The following STK3 variants were observed in gnomAD, a reference collection of about 807,000 sequenced individuals.
STK3 encodes the protein serine/threonine kinase 3, also known as serine/threonine-protein kinase 3.
In STK3, 41 loss-of-function variants were observed where a neutral mutation model predicts 58.0. The observed-to-expected ratio is 0.71, with a 90% CI of 0.55 to 0.92. STK3 has a LOEUF of 0.92. Among genes scored for constraint, STK3 ranks in the 40% least tolerant of loss-of-function variants. The pLI is 0.00. For missense variants in STK3, 479 were observed against 602.7 expected (o/e 0.79, Z 2.15); for synonymous variants, 170 against 191.0 (o/e 0.89, Z 0.91).
intron 8 of STK3, among the ~76,000 whole-genome samples, chr8:98,555,939 A>G (rs2131612336): frequency 6.6e-6 from 1 of 152,170 alleles, no homozygotes; most frequent in Admixed American, 6.5e-5. Context: ...GATAAAAGGG[A>G]AAAGGGAAGT....
At chr8:98,521,549 T>C (rs1280511810) in intron 10 of STK3, among the ~76,000 whole-genome samples, 2 of 152,156 alleles carry the variant, frequency 1.3e-5, no homozygotes, top group African/African-American at 2.4e-5. Flanking sequence ...ATTCTTAAGA[T>C]ACTTTTCATC....
intron 10 of STK3, among the ~76,000 whole-genome samples, chr8:98,521,880 T>G (rs1825390489): frequency 6.6e-6 from 1 of 152,192 alleles, no homozygotes; most frequent in African/African-American, 2.4e-5. Context: ...AACTCCAGCC[T>G]TCATCAAATC....
intron 7 of STK3, among the ~76,000 whole-genome samples, chr8:98,584,058 G>A (rs547976835): frequency 2.6e-5 from 4 of 151,916 alleles, no homozygotes; most frequent in African/African-American, 7.2e-5. Flanking sequence ...ATCTCTGCTA[G>A]TGGAGAAGGT....
chr8:98,765,630 G>A (rs1241932757), intron 3 of STK3, among the ~76,000 whole-genome samples: 2 of 152,152 alleles, frequency 1.3e-5, no homozygotes, highest in Non-Finnish European at 2.9e-5. Context: ...TCTTCCTCCT[G>A]CCTGGAATGT....
rs1302698968 is a variant in STK3, at chr8:98,374,377, G to C, written n.112-2699C>G. ...ATCTGGTGGCTTTACAGAATGGAAAGCCAAGGCCCAGGCATTAGATAGAGT... is the reference window on the plus strand; with the variant it reads ...ATCTGGTGGCTTTACAGAATGGAAACCCAAGGCCCAGGCATTAGATAGAGT... On this transcript the variant is annotated intron_variant and non_coding_transcript_variant, in intron 2 of 2. Coordinates refer to the STK3 transcript ENST00000518704. Among the ~76,000 whole-genome samples the C allele has an allele frequency of 2.8e-4, 42 of 152,216 alleles. 1 individual carries two copies. The highest frequency in any genetic ancestry group is 2.5e-3 in the Admixed American group (38 of 15,278).
chr8:98,726,471 A>T (rs771219887), intron 4 of STK3, among the ~76,000 whole-genome samples: 8 of 152,218 alleles, frequency 5.3e-5, no homozygotes, highest in Non-Finnish European at 1.2e-4. Flanking sequence ...GTCTAATCCC[A>T]CAATGCATAT....
intron 4 of STK3, among the ~76,000 whole-genome samples, chr8:98,736,955 A>C (rs899587724): frequency 6.6e-6 from 1 of 152,224 alleles, no homozygotes; most frequent in Admixed American, 6.5e-5. Flanking sequence ...TAATATATGT[A>C]GTATATACAT....
At chr8:98,875,349 C>A (rs1425482002) in intron 3 of STK3, 1 of 152,204 alleles carries the variant, frequency 6.6e-6, no homozygotes, top group East Asian at 1.9e-4. Flanking sequence ...TGAGTTGGAG[C>A]TCCAGCTCAT....
At chr8:98,761,959 G>A (rs1443991325) in intron 3 of STK3, among the ~76,000 whole-genome samples, 4 of 152,144 alleles carry the variant, frequency 2.6e-5, no homozygotes, top group Non-Finnish European at 4.4e-5. Context: ...GTGACACCCT[G>A]AACAGGCCAG....
chr8:98,879,528 T>C (rs1297345418), downstream of STK3: 4 of 152,236 alleles, frequency 2.6e-5, no homozygotes, highest in African/African-American at 7.2e-5. Flanking sequence ...ATTTTACATA[T>C]ACTTTTATCA....
chr8:98,369,545 G>C (rs1352135349), downstream of STK3, among the ~76,000 whole-genome samples: 1 of 152,124 alleles, frequency 6.6e-6, no homozygotes, highest in Non-Finnish European at 1.5e-5. Context: ...AAAAACAAAG[G>C]GCAGGCCTGG....
chr8:98,662,720 A>C (rs1380483120), intron 6 of STK3, among the ~76,000 whole-genome samples: 1 of 151,988 alleles, frequency 6.6e-6, no homozygotes, highest in Non-Finnish European at 1.5e-5. Flanking sequence ...ACATGTGCAC[A>C]ACGTGCAGGT....
intron 1 of STK3, among the ~76,000 whole-genome samples, chr8:98,822,441 G>A (rs1834968061): frequency 6.6e-6 from 1 of 152,086 alleles, no homozygotes; most frequent in Admixed American, 6.6e-5. Flanking sequence ...CCCACAAAGT[G>A]CTGAGATTAC....
At chr8:98,755,761 C>G (rs1179840001) in intron 3 of STK3, among the ~76,000 whole-genome samples, 2 of 152,138 alleles carry the variant, frequency 1.3e-5, no homozygotes, top group Admixed American at 1.3e-4. Flanking sequence ...TCTGCCTCCC[C>G]CAGAAGAACA....
intron 9 of STK3, among the ~76,000 whole-genome samples, chr8:98,538,472 G>T (rs546981321): frequency 1.3e-5 from 2 of 152,296 alleles, no homozygotes; most frequent in South Asian, 2.1e-4. Context: ...GTCTGAGAAA[G>T]AACTTAATAA....
chr8:98,513,975 A>G (rs1021612393), intron 10 of STK3, among the ~76,000 whole-genome samples: 3 of 152,162 alleles, frequency 2.0e-5, no homozygotes, highest in Non-Finnish European at 4.4e-5. Flanking sequence ...TTCCAACCAC[A>G]TGAACATCAT....
At chr8:98,409,261 TAGA>T (rs1355623490) in intron 3 of STK3, among the ~76,000 whole-genome samples, 1 of 152,184 alleles carries the variant, frequency 6.6e-6, no homozygotes, top group Non-Finnish European at 1.5e-5. Flanking sequence ...CATACAGAGA[TAGA>T]AGAAGAGTGT....
intron 6 of STK3, among the ~76,000 whole-genome samples, chr8:98,611,946 G>C (rs1030975612): frequency 6.6e-6 from 1 of 151,618 alleles, no homozygotes; most frequent in Non-Finnish European, 1.5e-5. Flanking sequence ...AAATAGAATG[G>C]GAGAAACTAG....
At chr8:98,528,101 ACTTATCATTGCAACTGT>A (rs1458298819) in intron 9 of STK3, among the ~76,000 whole-genome samples, 18 of 152,088 alleles carry the variant, frequency 1.2e-4, no homozygotes, top group Non-Finnish European at 1.5e-5. Flanking sequence ...CCTTTTCTCT[ACTTATCATTGCAACTGT>A]CTTAGTTTAG....
Sources: allele counts gnomAD v4.1 joint callset (sites outside exome capture counted in the v4.1 genomes callset), GRCh38; gene constraint gnomAD v4.1.1; transcripts MANE v1.5; gene names NCBI Gene and HGNC (gene_info 2026-07-23, HGNC 2026-07-21).